NOX4: variants seen among roughly 807,000 people sequenced by gnomAD.
NOX4 encodes the protein kidney oxidase-1.
In NOX4, 69 loss-of-function variants were observed where a neutral mutation model predicts 87.6. The ratio of observed to expected loss-of-function variants is 0.79; its 90% CI spans 0.65 to 0.96. NOX4 has a LOEUF of 0.96. Ranked by LOEUF, NOX4 falls within the 40% of genes least tolerant of loss-of-function variation. The pLI is 0.00. For synonymous variants in NOX4, 275 were observed against 238.2 expected, an observed-to-expected ratio of 1.15 and a Z score of -1.42; for missense variants, 680 against 681.5, an observed-to-expected ratio of 1.00 and a Z score of 0.02.
intron 8 of NOX4, among the ~76,000 whole-genome samples, chr11:89,419,189 C>G (rs576739523): frequency 6.6e-6 from 1 of 152,082 alleles, no homozygotes; most frequent in African/African-American, 2.4e-5. Context: ...CATTGATGGA[C>G]AGAGAAGCTA....
intron 12 of NOX4, among the ~76,000 whole-genome samples, chr11:89,369,230 A>G (rs1222506484): frequency 6.6e-6 from 1 of 152,038 alleles, no homozygotes; most frequent in Admixed American, 6.6e-5. Flanking sequence ...AGAAGTGAGA[A>G]GCCAAATTGA....
chr11:89,329,356 G>GA (rs377055666), intron 17 of NOX4, among the ~76,000 whole-genome samples: 1,690 of 34,646 alleles, frequency 0.049, 19 homozygotes, highest in East Asian at 0.063. Flanking sequence ...GAAAAAAACT[G>GA]AAAAAAAAAA....
At chr11:89,514,438 C>T in the NOX4 span, among the ~76,000 whole-genome samples, 1 of 151,822 alleles carries the variant, frequency 6.6e-6, no homozygotes, top group African/African-American at 2.4e-5. Flanking sequence ...AACTAATATA[C>T]AAAAAAGATA....
the NOX4 span, among the ~76,000 whole-genome samples, chr11:89,532,771 C>T: frequency 5.9e-5 from 9 of 152,234 alleles, no homozygotes; most frequent in Non-Finnish European, 1.2e-4. Context: ...CACATGTTGA[C>T]GGATGGACCT....
chr11:89,432,200 G>C (rs1419669092), intron 7 of NOX4, among the ~76,000 whole-genome samples: 3 of 151,984 alleles, frequency 2.0e-5, no homozygotes, highest in Non-Finnish European at 4.4e-5. Flanking sequence ...GGGGCCTGTT[G>C]TGGGGTTGGG....
the NOX4 span, among the ~76,000 whole-genome samples, chr11:89,571,298 T>C: frequency 1.5e-5 from 2 of 134,998 alleles, no homozygotes; most frequent in East Asian, 2.2e-4. Flanking sequence ...TTTTTTCTTC[T>C]CTGATTTATA....
chr11:89,459,690 C>T (rs922728396), intron 2 of NOX4, among the ~76,000 whole-genome samples: 1 of 152,194 alleles, frequency 6.6e-6, no homozygotes, highest in South Asian at 2.1e-4. Flanking sequence ...ACATTCCATG[C>T]TCATGGGTAG....
At chr11:89,545,452 T>A in the NOX4 span, 167 of 152,266 alleles carry the variant, frequency 1.1e-3, no homozygotes, top group African/African-American at 3.9e-3. Flanking sequence ...AAATAATATA[T>A]GATCATTGTA....
intron 7 of NOX4, among the ~76,000 whole-genome samples, chr11:89,422,629 G>C (rs1006369768): frequency 6.6e-6 from 1 of 151,930 alleles, no homozygotes; most frequent in Non-Finnish European, 1.5e-5. Context: ...TGGAATTAGA[G>C]GGCAGATATT....
intron 6 of NOX4, among the ~76,000 whole-genome samples, chr11:89,433,280 TAC>T (rs1271709766): frequency 3.3e-5 from 5 of 152,082 alleles, no homozygotes; most frequent in Non-Finnish European, 7.4e-5. Flanking sequence ...TTAAAATCAG[TAC>T]AGTTTCAAAG....
At chr11:89,495,607 C>G (rs1218998326), upstream of NOX4, among the ~76,000 whole-genome samples, 1 of 152,042 alleles carries the variant, frequency 6.6e-6, no homozygotes, top group Non-Finnish European at 1.5e-5. Flanking sequence ...CTTTAGGTGG[C>G]TATTATTTAG....
At chr11:89,327,600 C>T (rs910367799) in intron 17 of NOX4, among the ~76,000 whole-genome samples, 4 of 152,064 alleles carry the variant, frequency 2.6e-5, no homozygotes, top group Non-Finnish European at 4.4e-5. Flanking sequence ...TGACCTTCTT[C>T]CCAAGTTTGA....
chr11:89,396,050 G>T (rs1476905197), intron 11 of NOX4, among the ~76,000 whole-genome samples: 1 of 152,164 alleles, frequency 6.6e-6, no homozygotes, highest in Non-Finnish European at 1.5e-5. Flanking sequence ...GAAAGTCATA[G>T]GTAGCTTGAT....
At chr11:89,469,925 G>A (rs1244373469) in intron 2 of NOX4, among the ~76,000 whole-genome samples, 1 of 151,770 alleles carries the variant, frequency 6.6e-6, no homozygotes, top group Non-Finnish European at 1.5e-5. Context: ...CTTAGGTCTC[G>A]GGTGGAGTTC....
chr11:89,560,226 C>A, the NOX4 span, among the ~76,000 whole-genome samples: 6 of 151,894 alleles, frequency 4.0e-5, no homozygotes, highest in Non-Finnish European at 2.9e-5. Context: ...CATTTGTAAC[C>A]CAAGGAATGC....
chr11:89,486,603 T>TATATGTGTGTATATATGTGTATATATAC (rs1946622274), intron 2 of NOX4, among the ~76,000 whole-genome samples: 1 of 106,526 alleles, frequency 9.4e-6, no homozygotes. Context: ...TATATATACA[T>TATATGTGTGTATATATGTGTATATATAC]ATATATGTGT....
chr11:89,433,771 T>C (rs1009239799), intron 6 of NOX4, among the ~76,000 whole-genome samples: 3 of 152,042 alleles, frequency 2.0e-5, no homozygotes, highest in African/African-American at 7.2e-5. Flanking sequence ...TTTAAAATAA[T>C]AAAATGTGCA....
At chr11:89,333,242 T>C (rs1590943460) in intron 17 of NOX4, among the ~76,000 whole-genome samples, 1 of 151,762 alleles carries the variant, frequency 6.6e-6, no homozygotes, top group Non-Finnish European at 1.5e-5. Context: ...AGCACATCAT[T>C]AAAAAGTTAG....
the NOX4 span, among the ~76,000 whole-genome samples, chr11:89,512,728 C>T: frequency 6.6e-6 from 1 of 152,066 alleles, no homozygotes; most frequent in East Asian, 1.9e-4. Context: ...TGCGATTAAT[C>T]TTAATCTTAG....
Sources: gnomAD v4.1 joint callset for allele counts (sites outside exome capture counted in the v4.1 genomes callset) on GRCh38, gnomAD v4.1.1 for gene constraint, MANE v1.5 for transcripts, NCBI Gene and HGNC (gene_info 2026-07-23, HGNC 2026-07-21) for gene names.